DAB1: variants seen among roughly 807,000 people sequenced by gnomAD.
DAB1 encodes the protein disabled homolog 1.
DAB1 carries 15 observed loss-of-function variants against 64.6 expected under a neutral mutation model. The observed-to-expected ratio is 0.23, with a 90% confidence interval of 0.16 to 0.36. DAB1 has a LOEUF of 0.36. DAB1 is among the 10% of genes least tolerant of loss of function. DAB1 has a pLI of 1.00. For synonymous variants in DAB1, 235 were observed against 251.9 expected, an observed-to-expected ratio of 0.93 and a Z score of 0.64; for missense variants, 596 against 706.7, an observed-to-expected ratio of 0.84 and a Z score of 1.78.
At chr1:57,757,584 C>T (rs950718033) in intron 6 of DAB1, among the ~76,000 whole-genome samples, 5 of 152,124 alleles carry the variant, frequency 3.3e-5, no homozygotes, top group Non-Finnish European at 5.9e-5. Context: ...CTGTGCTATG[C>T]ATGTCTGTCT....
chr1:57,490,854 T>G (rs1187430436), intron 7 of DAB1, among the ~76,000 whole-genome samples: 2 of 152,202 alleles, frequency 1.3e-5, no homozygotes, highest in Non-Finnish European at 2.9e-5. Flanking sequence ...AAATGAAACT[T>G]GCAAAGTTTT....
At chr1:57,670,817 T>C (rs139923137) in intron 6 of DAB1, among the ~76,000 whole-genome samples, 5 of 152,226 alleles carry the variant, frequency 3.3e-5, no homozygotes, top group African/African-American at 7.2e-5. Context: ...AAACACCTAA[T>C]AGGCACAAAG....
At chr1:58,459,115 A>G (rs916357354) in intron 3 of DAB1, among the ~76,000 whole-genome samples, 1 of 152,248 alleles carries the variant, frequency 6.6e-6, no homozygotes, top group African/African-American at 2.4e-5. Flanking sequence ...TAGCCCAGAA[A>G]TCATTTCTTT....
At chr1:57,816,638 T>G (rs1438172057) in intron 6 of DAB1, among the ~76,000 whole-genome samples, 1 of 152,218 alleles carries the variant, frequency 6.6e-6, no homozygotes, top group Admixed American at 6.5e-5. Flanking sequence ...TAGGAGGACA[T>G]TTAATGGAGA....
intron 2 of DAB1, among the ~76,000 whole-genome samples, chr1:57,159,117 C>T (rs970212190): frequency 6.6e-6 from 1 of 151,862 alleles, no homozygotes; most frequent in South Asian, 2.1e-4. Flanking sequence ...TCTTCTGCTC[C>T]AATAGTTGGT....
intron 6 of DAB1, among the ~76,000 whole-genome samples, chr1:57,728,942 C>T (rs1187986825): frequency 6.7e-6 from 1 of 149,946 alleles, no homozygotes; most frequent in Non-Finnish European, 1.5e-5. Context: ...TGTTATTAGC[C>T]TGTCTTTTAT....
At chr1:57,689,498 C>T (rs1038105234) in intron 6 of DAB1, among the ~76,000 whole-genome samples, 1 of 152,120 alleles carries the variant, frequency 6.6e-6, no homozygotes, top group Non-Finnish European at 1.5e-5. Flanking sequence ...CTTCCCTCTC[C>T]GAGTGATACA....
At chr1:58,078,414 G>A (rs1336983493) in intron 5 of DAB1, among the ~76,000 whole-genome samples, 2 of 152,110 alleles carry the variant, frequency 1.3e-5, no homozygotes, top group East Asian at 3.9e-4. Context: ...GATCAAATAG[G>A]TTAATATATA....
At chr1:57,033,414 T>C (rs1557592101) in intron 9 of DAB1, 4 of 1,612,756 alleles carry the variant, frequency 2.5e-6, no homozygotes, top group Non-Finnish European at 3.4e-6. Context: ...CTCATCAAAG[T>C]CTGTGGGCAG....
intron 3 of DAB1, among the ~76,000 whole-genome samples, chr1:58,375,773 G>T (rs1289300001): frequency 6.2e-5 from 9 of 144,956 alleles, no homozygotes; most frequent in Non-Finnish European, 1.2e-4. Context: ...GTTCCTCCTT[G>T]TACCTCTGGT....
chr1:58,158,946 A>G (rs1210318592), intron 4 of DAB1, among the ~76,000 whole-genome samples: 2 of 152,220 alleles, frequency 1.3e-5, no homozygotes, highest in Non-Finnish European at 2.9e-5. Flanking sequence ...TAGAATATTC[A>G]AATGAAAGGC....
intron 5 of DAB1, among the ~76,000 whole-genome samples, chr1:57,944,381 C>A (rs151115718): frequency 2.0e-4 from 30 of 152,282 alleles, no homozygotes; most frequent in African/African-American, 7.2e-4. Context: ...TGCTCTTCAG[C>A]ACTTACTTAG....
intron 6 of DAB1, among the ~76,000 whole-genome samples, chr1:57,743,689 C>T (rs1416351685): frequency 1.3e-5 from 2 of 152,130 alleles, no homozygotes; most frequent in Admixed American, 6.5e-5. Flanking sequence ...GAGAGCAGCT[C>T]GGTCCAGGAG....
intron 1 of DAB1, among the ~76,000 whole-genome samples, chr1:57,377,177 C>T (rs890727048): frequency 1.3e-5 from 2 of 151,238 alleles, no homozygotes; most frequent in African/African-American, 2.4e-5. Context: ...GGCTGAGGAA[C>T]GAGAATCGCT....
At chr1:57,020,210 T>C (rs1646569197) in intron 11 of DAB1, among the ~76,000 whole-genome samples, 1 of 152,198 alleles carries the variant, frequency 6.6e-6, no homozygotes, top group African/African-American at 2.4e-5. Flanking sequence ...TTAATTTGTA[T>C]AGGAGAAATT....
chr1:57,382,323 T>C (rs929838322), intron 1 of DAB1, among the ~76,000 whole-genome samples: 23 of 152,320 alleles, frequency 1.5e-4, no homozygotes, highest in Admixed American at 1.2e-3. Context: ...GTCAGTTTCC[T>C]CTTAATGAGG....
At chr1:58,181,074 A>C (rs1656763631) in intron 4 of DAB1, among the ~76,000 whole-genome samples, 1 of 152,084 alleles carries the variant, frequency 6.6e-6, no homozygotes, top group Non-Finnish European at 1.5e-5. Flanking sequence ...TGATATTGAG[A>C]TCTCCAACTA....
At chr1:57,428,061 A>G (rs1223690355), upstream of DAB1, among the ~76,000 whole-genome samples, 1 of 152,042 alleles carries the variant, frequency 6.6e-6, no homozygotes, top group Non-Finnish European at 1.5e-5. Context: ...CCAGCTACTC[A>G]GGAGGCTAAG....
rs397942076 is a variant in DAB1, at chr1:57,548,452, G to GT, written n.625+101139dup. Among the ~76,000 whole-genome samples the GT allele has an allele frequency of 4.0e-3, 601 of 151,890 alleles. 2 individuals carry two copies. The highest frequency in any genetic ancestry group is 0.014 in the African/African-American group (569 of 41,440). Reference sequence around the variant, plus strand: ...TTCAATCCCTACTGCACCAACAGAGGTTTTTGTATATACAAAATCTGTTCA... The same window carrying GT: ...TTCAATCCCTACTGCACCAACAGAGGTTTTTTGTATATACAAAATCTGTTCA... On this transcript the variant is annotated intron_variant and non_coding_transcript_variant, in intron 7 of 20. Transcript: ENST00000485760.
Sources: allele counts gnomAD v4.1 joint callset (sites outside exome capture counted in the v4.1 genomes callset), GRCh38; gene constraint gnomAD v4.1.1; transcripts MANE v1.5; gene names NCBI Gene and HGNC (gene_info 2026-07-23, HGNC 2026-07-21).